PCDHA10: variants seen among roughly 807,000 people sequenced by gnomAD.
PCDHA10 encodes the protein protocadherin alpha 10.
Under a neutral mutation model 61.2 loss-of-function variants are expected in PCDHA10, and 45 were observed. The observed-to-expected ratio is 0.74, with a 90% CI of 0.58 to 0.94. The LOEUF (loss-of-function observed/expected upper bound fraction) is 0.94, where lower values mean the gene tolerates loss of function less well. Ranked by LOEUF, PCDHA10 falls within the 40% of genes least tolerant of loss-of-function variation. PCDHA10 has a pLI of 0.00. For synonymous variants in PCDHA10, 602 were observed against 548.8 expected, an observed-to-expected ratio of 1.10 and a Z score of -1.35; for missense variants, 1,278 against 1,236.2, an observed-to-expected ratio of 1.03 and a Z score of -0.51.
At chr5:140,866,405 A>AT (rs2049338047) in intron 1 of PCDHA10, 1 of 152,116 alleles carries the variant, frequency 6.6e-6, no homozygotes, top group Non-Finnish European at 1.5e-5. Context: ...TCCCATGAAA[A>AT]TCTTCAAATG....
chr5:140,862,327 A>G (rs1317111352), intron 1 of PCDHA10: 1 of 326,932 alleles, frequency 3.1e-6, no homozygotes, highest in Non-Finnish European at 6.0e-6. Context: ...TAATCAGTGT[A>G]ATTGACCCTA....
intron 1 of PCDHA10, among the ~76,000 whole-genome samples, chr5:140,923,305 G>T (rs552769255): frequency 2.6e-5 from 4 of 152,186 alleles, no homozygotes; most frequent in Non-Finnish European, 5.9e-5. Context: ...GGGCGTGGGG[G>T]CGCTTGGCCT....
At position 140,966,546 on chromosome 5, in the gene PCDHA10, C is replaced by G. The variant is rs549303882; in HGVS notation, c.2389-12403C>G. The G allele has an allele frequency of 3.9e-5, 18 of 466,228 alleles. No individual in the cohort carries two copies. The Admixed American group carries it at 6.1e-4, about 16-fold the overall frequency. 28.9% of individuals were successfully genotyped at this position (466,228 alleles called of 1,614,324 possible). On this transcript the variant is annotated intron_variant, in intron 1 of 3. Coordinates refer to ENST00000307360, the MANE Select transcript of PCDHA10 (RefSeq NM_018901.4). ...CGAGCCGGGTTGAGCGACTCGGAGGCGAGCGGAGGAGCTGGAATATGGGGA... is the reference window on the plus strand; with the variant it reads ...CGAGCCGGGTTGAGCGACTCGGAGGGGAGCGGAGGAGCTGGAATATGGGGA...
At chr5:140,955,183 G>A (rs556157825) in intron 1 of PCDHA10, among the ~76,000 whole-genome samples, 1 of 152,122 alleles carries the variant, frequency 6.6e-6, no homozygotes, top group South Asian at 2.1e-4. Flanking sequence ...GTAGTTTTGT[G>A]GTGTATATGA....
Position 141,000,418 on chromosome 5 carries a change from TA to T in PCDHA10, c.2537-9208del, listed in dbSNP as rs1328416600. 5.1e-3 allele frequency among the ~76,000 whole-genome samples: 429 copies of T among 83,548 alleles called. 3 individuals carry two copies. The highest frequency in any genetic ancestry group is 6.3e-3 in the Non-Finnish European group (284 of 45,190). 54.8% of individuals were successfully genotyped at this position (83,548 alleles called of 152,430 possible). A position where few individuals can be genotyped will look rare whatever the true frequency, so the allele number is the denominator to read the frequency against. ...CTCTATATATATATATATATATATA[TA>T]TATTTTTTTTTTTTTTTTTTTTTTT... On this transcript the variant is annotated intron_variant, in intron 3 of 3. Transcript: ENST00000307360.
chr5:140,955,216 C>T (rs2095153192), intron 1 of PCDHA10, among the ~76,000 whole-genome samples: 2 of 152,122 alleles, frequency 1.3e-5, no homozygotes, highest in East Asian at 3.9e-4. Flanking sequence ...AGCATGATGC[C>T]TCCAGCTTTG....
At chr5:140,866,470 A>T (rs955596608) in intron 1 of PCDHA10, 1 of 152,128 alleles carries the variant, frequency 6.6e-6, no homozygotes, top group Non-Finnish European at 1.5e-5. Flanking sequence ...AGCTCATAAC[A>T]ACTGACAAAT....
intron 1 of PCDHA10, chr5:140,967,025 C>A: frequency 1.2e-6 from 2 of 1,608,362 alleles, no homozygotes; most frequent in Non-Finnish European, 8.5e-7. Flanking sequence ...TGCGCCCAGT[C>A]CGCGCTACCT....
intron 1 of PCDHA10, among the ~76,000 whole-genome samples, chr5:140,917,128 C>T (rs2077898518): frequency 6.6e-6 from 1 of 152,044 alleles, no homozygotes; most frequent in Non-Finnish European, 1.5e-5. Flanking sequence ...GCAGACTCCC[C>T]ACGTTGCTCA....
intron 1 of PCDHA10, chr5:140,871,314 G>A (rs199741530): frequency 6.2e-7 from 1 of 1,614,048 alleles, no homozygotes; most frequent in East Asian, 2.2e-5. Context: ...GGAAGCCCAC[G>A]CTGGTGTGCT....
At chr5:140,869,226 C>T (rs1428940405) in intron 1 of PCDHA10, 5 of 1,613,644 alleles carry the variant, frequency 3.1e-6, no homozygotes, top group African/African-American at 1.3e-5. Context: ...AGGCCAAACA[C>T]GGCACCTTCG....
chr5:140,882,050 T>A, intron 1 of PCDHA10: 1 of 756,750 alleles, frequency 1.3e-6, no homozygotes, highest in African/African-American at 1.8e-5. Flanking sequence ...GAGTCATACT[T>A]ACACTTACAC....
intron 1 of PCDHA10, among the ~76,000 whole-genome samples, chr5:140,959,785 C>T (rs976645506): frequency 3.5e-4 from 53 of 152,280 alleles, no homozygotes; most frequent in African/African-American, 1.2e-3. Context: ...TGTATATTAA[C>T]ATGGCTAATT....
intron 1 of PCDHA10, chr5:140,967,505 G>C (rs782818141): frequency 2.4e-5 from 39 of 1,612,940 alleles, no homozygotes; most frequent in Non-Finnish European, 3.2e-5. Context: ...CTCTGTGCGT[G>C]TCCTGGACAC....
chr5:140,927,687 T>C (rs1563095426), intron 1 of PCDHA10: 2 of 1,614,158 alleles, frequency 1.2e-6, no homozygotes, highest in Non-Finnish European at 1.7e-6. Context: ...AAGGGTCCAA[T>C]GGGGAAGTCC....
In PCDHA10 at chr5:141,010,279, A is replaced by T. The variant is rs2098416787; in HGVS notation, c.*342A>T. 2.6e-6 allele frequency: 4 copies of T among 1,551,490 alleles called. No homozygotes were observed. The highest frequency in any genetic ancestry group is 3.5e-6 in the Non-Finnish European group (4 of 1,146,936). ...CCTGTGCTCCGGGGATCCTGTCTTG[A>T]TGACACTTGCAGGGCAGGCTGAAAA... On this transcript the variant is annotated 3_prime_UTR_variant, in exon 4 of 4. Coordinates refer to ENST00000307360, the MANE Select transcript of PCDHA10 (RefSeq NM_018901.4).
intron 1 of PCDHA10, among the ~76,000 whole-genome samples, chr5:140,943,772 T>G (rs371770047): frequency 2.9e-4 from 44 of 152,232 alleles, no homozygotes; most frequent in African/African-American, 6.7e-4. Context: ...GGAAAAAAAC[T>G]AGGAAGTGGT....
chr5:140,997,814 T>C (rs2097786801), intron 3 of PCDHA10, among the ~76,000 whole-genome samples: 1 of 152,212 alleles, frequency 6.6e-6, no homozygotes, highest in Admixed American at 6.5e-5. Context: ...GCTGTTGGTA[T>C]CTATGTTTTC....
chr5:140,941,304 CTTTT>C (rs2093021953), intron 1 of PCDHA10, among the ~76,000 whole-genome samples: 1 of 84,848 alleles, frequency 1.2e-5, no homozygotes, highest in African/African-American at 4.2e-5. Context: ...TTCTTTCTTT[CTTTT>C]TCTTCTTTCT....
Sources: allele counts gnomAD v4.1 joint callset (sites outside exome capture counted in the v4.1 genomes callset), GRCh38; gene constraint gnomAD v4.1.1; transcripts MANE v1.5; gene names NCBI Gene and HGNC (gene_info 2026-07-23, HGNC 2026-07-21).